The following MNAT1 variants were observed in gnomAD, a reference collection of about 807,000 sequenced individuals.
MNAT1 encodes CDK-activating kinase assembly factor MAT1.
A neutral mutation model predicts 42.0 loss-of-function variants in MNAT1; 43 were observed. That is an observed-to-expected ratio of 1.02 (90% CI 0.80 to 1.32). The LOEUF (loss-of-function observed/expected upper bound fraction) is 1.32, where lower values mean the gene tolerates loss of function less well. MNAT1 is among the 40% of genes most tolerant of loss of function. MNAT1 has a pLI of 0.00. For missense variants in MNAT1, 306 were observed against 350.4 expected, an observed-to-expected ratio of 0.87 and a Z score of 1.01; for synonymous variants, 118 against 120.0, an observed-to-expected ratio of 0.98 and a Z score of 0.11.
intron 4 of MNAT1, among the ~76,000 whole-genome samples, chr14:60,811,364 G>A (rs2032540714): frequency 7.1e-6 from 1 of 140,060 alleles, no homozygotes; most frequent in Non-Finnish European, 1.5e-5. Flanking sequence ...GTGTAATGGT[G>A]TGAACTTGGC....
At chr14:60,836,492 C>A (rs1044764823) in intron 6 of MNAT1, among the ~76,000 whole-genome samples, 5 of 152,200 alleles carry the variant, frequency 3.3e-5, no homozygotes, top group East Asian at 1.9e-4. Flanking sequence ...AACAGACAAA[C>A]CCCTCTGCTG....
At chr14:60,952,944 G>A (rs1365842036) in intron 7 of MNAT1, among the ~76,000 whole-genome samples, 1 of 152,010 alleles carries the variant, frequency 6.6e-6, no homozygotes, top group African/African-American at 2.4e-5. Flanking sequence ...AGTGTGGCCC[G>A]GGGCATAGAC....
chr14:60,934,360 A>G (rs895770289), intron 7 of MNAT1, among the ~76,000 whole-genome samples: 2 of 152,072 alleles, frequency 1.3e-5, no homozygotes, highest in African/African-American at 2.4e-5. Context: ...TCATCCTGGT[A>G]TCTGCACCTT....
intron 6 of MNAT1, among the ~76,000 whole-genome samples, chr14:60,844,258 A>C (rs374972848): frequency 9.9e-5 from 15 of 152,262 alleles, no homozygotes; most frequent in African/African-American, 3.4e-4. Context: ...CAGTTTTTAC[A>C]AAAATTCTTG....
intron 7 of MNAT1, among the ~76,000 whole-genome samples, chr14:60,885,319 C>T (rs2034641173): frequency 6.6e-6 from 1 of 151,854 alleles, no homozygotes. Context: ...GGCCCCATAA[C>T]TCTTAGATTT....
chr14:60,893,991 C>T (rs1253998607), intron 7 of MNAT1, among the ~76,000 whole-genome samples: 1 of 152,158 alleles, frequency 6.6e-6, no homozygotes, highest in East Asian at 1.9e-4. Context: ...TCTGTTACTT[C>T]AGGGTACAGG....
At chr14:60,832,101 T>G (rs541169495) in intron 6 of MNAT1, among the ~76,000 whole-genome samples, 89 of 152,322 alleles carry the variant, frequency 5.8e-4, no homozygotes, top group Admixed American at 5.6e-3. Flanking sequence ...ATAGATAGAT[T>G]GCAAAAATTT....
rs375363618 is a variant in MNAT1, at chr14:60,923,070, G to A, written c.809+43235G>A. 9.2e-5 allele frequency among the ~76,000 whole-genome samples: 14 copies of A among 152,250 alleles called. No individual in the cohort carries two copies. In the East Asian group the frequency reaches 2.7e-3, roughly 29 times the overall value. ...CATAGATACTTTCTTTCCCATATTT[G>A]TGAATAAAATTGAGCATTTGTTCAA... On this transcript the variant is annotated intron_variant, in intron 7 of 7. Coordinates refer to ENST00000261245, the MANE Select transcript of MNAT1 (RefSeq NM_002431.4).
intron 6 of MNAT1, among the ~76,000 whole-genome samples, chr14:60,825,537 A>C (rs2033031238): frequency 6.6e-6 from 1 of 152,192 alleles, no homozygotes; most frequent in Non-Finnish European, 1.5e-5. Context: ...GACATTACTT[A>C]AGAATTTGTG....
chr14:60,821,869 C>T (rs1011992088), intron 6 of MNAT1, among the ~76,000 whole-genome samples: 31 of 152,118 alleles, frequency 2.0e-4, no homozygotes, highest in African/African-American at 6.8e-4. Context: ...AAATTATTCT[C>T]ATTTTTCTTA....
chr14:60,850,704 A>T (rs1486978401), intron 6 of MNAT1, among the ~76,000 whole-genome samples: 1 of 152,226 alleles, frequency 6.6e-6, no homozygotes, highest in East Asian at 1.9e-4. Flanking sequence ...GATGTTGTCA[A>T]ATGCAAAGAT....
Position 60,968,391 on chromosome 14 carries a change from A to G in MNAT1, c.*42A>G, listed in dbSNP as rs753702072. 6.3e-7 allele frequency: 1 copy of G among 1,592,198 alleles called. No homozygotes were observed. The highest frequency in any genetic ancestry group is 1.9e-5 in the Admixed American group (1 of 53,334). ...GACCTTGGAGCTGAACCAGGGAGCT[A>G]GCAAAAGTAAAGCAGACTTATAAAA... is the stretch of plus-strand genomic sequence containing the variant. On this transcript the variant is annotated 3_prime_UTR_variant, in exon 8 of 8. Coordinates refer to ENST00000261245, the MANE Select transcript of MNAT1 (RefSeq NM_002431.4).
chr14:60,781,307 C>T (rs1310061233), intron 1 of MNAT1, among the ~76,000 whole-genome samples: 1 of 151,970 alleles, frequency 6.6e-6, no homozygotes, highest in Non-Finnish European at 1.5e-5. Context: ...TGTAATTTGC[C>T]TGCTCATATA....
At chr14:60,891,169 T>G (rs866728021) in intron 7 of MNAT1, among the ~76,000 whole-genome samples, 1 of 152,180 alleles carries the variant, frequency 6.6e-6, no homozygotes, top group Non-Finnish European at 1.5e-5. Flanking sequence ...AAGTCTTCTC[T>G]CCTTTTTCCT....
At chr14:60,882,025 G>A (rs2139467144) in intron 7 of MNAT1, among the ~76,000 whole-genome samples, 1 of 152,194 alleles carries the variant, frequency 6.6e-6, no homozygotes, top group Middle Eastern at 3.4e-3. Context: ...GCTGGGTATG[G>A]TGGTATGCAC....
intron 6 of MNAT1, among the ~76,000 whole-genome samples, chr14:60,866,477 A>G (rs1326834832): frequency 1.3e-5 from 2 of 152,078 alleles, no homozygotes; most frequent in African/African-American, 2.4e-5. Context: ...GAAAATGACT[A>G]GCTTAGTTCC....
chr14:60,854,636 G>A (rs953971187), intron 6 of MNAT1, among the ~76,000 whole-genome samples: 17 of 152,188 alleles, frequency 1.1e-4, no homozygotes, highest in Admixed American at 2.0e-4. Flanking sequence ...GAAGCCCGCA[G>A]AATAGCAAAG....
intron 1 of MNAT1, among the ~76,000 whole-genome samples, chr14:60,743,024 A>G (rs1483871302): frequency 6.6e-6 from 1 of 152,194 alleles, no homozygotes; most frequent in Admixed American, 6.5e-5. Context: ...GAGTAGAATT[A>G]TTGGATCATA....
In MNAT1 at chr14:60,860,731, A is replaced by G. The variant is rs532678798; in HGVS notation, c.688-18983A>G. Among the ~76,000 whole-genome samples the G allele has an allele frequency of 3.9e-5, 6 of 152,284 alleles. No homozygotes were observed. The South Asian group carries it at 6.2e-4, about 16-fold the overall frequency. On this transcript the variant is annotated intron_variant, in intron 6 of 7. Coordinates refer to ENST00000261245, the MANE Select transcript of MNAT1 (RefSeq NM_002431.4). ...CAGAACTCTAAAGCCCCATGCTTTT[A>G]ACATTGTGTTGGTCTAAGGGCACAT...
Sources: gnomAD v4.1 joint callset for allele counts (sites outside exome capture counted in the v4.1 genomes callset) on GRCh38, gnomAD v4.1.1 for gene constraint, MANE v1.5 for transcripts, NCBI Gene and HGNC (gene_info 2026-07-23, HGNC 2026-07-21) for gene names.